PPP2R2B: variants seen among roughly 807,000 people sequenced by gnomAD.
The protein encoded by PPP2R2B is protein phosphatase 2 regulatory subunit Bbeta.
Under a neutral mutation model 46.0 loss-of-function variants are expected in PPP2R2B, and 5 were observed. That is an observed-to-expected ratio of 0.11 (90% confidence interval 0.06 to 0.23). The LOEUF (loss-of-function observed/expected upper bound fraction) is 0.23, where lower values mean the gene tolerates loss of function less well. Among genes scored for constraint, PPP2R2B ranks in the 10% least tolerant of loss-of-function variants. PPP2R2B has a pLI of 1.00. For synonymous variants in PPP2R2B, 215 were observed against 206.7 expected, an observed-to-expected ratio of 1.04 and a Z score of -0.34; for missense variants, 367 against 575.0, an observed-to-expected ratio of 0.64 and a Z score of 3.70.
intron 2 of PPP2R2B, among the ~76,000 whole-genome samples, chr5:146,770,534 T>G (rs1754787859): frequency 6.6e-6 from 1 of 152,178 alleles, no homozygotes; most frequent in Admixed American, 6.5e-5. Context: ...ATTAAAAATG[T>G]TAACAGAAAT....
chr5:147,051,802 G>A (rs931991877), intron 1 of PPP2R2B, among the ~76,000 whole-genome samples: 14 of 109,962 alleles, frequency 1.3e-4, no homozygotes, highest in Admixed American at 4.3e-4. Context: ...TCATTCTATC[G>A]CCCAGGCTGG....
At chr5:146,794,267 C>A (rs988701159) in intron 2 of PPP2R2B, among the ~76,000 whole-genome samples, 4 of 152,132 alleles carry the variant, frequency 2.6e-5, no homozygotes. Context: ...CCTACTTGAA[C>A]TGAAATTGAT....
chr5:146,767,748 CA>C (rs750929709), intron 2 of PPP2R2B, among the ~76,000 whole-genome samples: 10 of 152,136 alleles, frequency 6.6e-5, no homozygotes, highest in Non-Finnish European at 1.5e-4. Flanking sequence ...CATTATCACC[CA>C]AAGTCCATAG....
chr5:146,602,448 A>T (rs1771875510), intron 7 of PPP2R2B, among the ~76,000 whole-genome samples: 1 of 152,144 alleles, frequency 6.6e-6, no homozygotes, highest in Admixed American at 6.6e-5. Flanking sequence ...CTGACATTCA[A>T]TTATTTTTGA....
At chr5:146,672,132 G>A (rs1282293889) in intron 5 of PPP2R2B, among the ~76,000 whole-genome samples, 1 of 152,122 alleles carries the variant, frequency 6.6e-6, no homozygotes, top group Non-Finnish European at 1.5e-5. Flanking sequence ...AAAGACATAG[G>A]GAAGCAAAAT....
At chr5:147,065,704 A>T (rs1375597167) in intron 2 of PPP2R2B, among the ~76,000 whole-genome samples, 1 of 152,110 alleles carries the variant, frequency 6.6e-6, no homozygotes, top group Non-Finnish European at 1.5e-5. Flanking sequence ...ATGACATATG[A>T]CTTAGTGATA....
At chr5:146,910,800 G>A (rs1404108774) in intron 1 of PPP2R2B, among the ~76,000 whole-genome samples, 1 of 152,050 alleles carries the variant, frequency 6.6e-6, no homozygotes, top group Non-Finnish European at 1.5e-5. Flanking sequence ...AAAGAATATA[G>A]TATAAAATCA....
chr5:146,680,856 C>T lies in PPP2R2B; in HGVS notation c.447+10272G>A, dbSNP rs6883261. ...GAAAATTCCTTTCCTTGTTGCTAAA[C>T]CATTCTAAGGAAACCAGAGAATAAA... On this transcript the variant is annotated intron_variant, in intron 5 of 9. Transcript: ENST00000394411. Among the ~76,000 whole-genome samples, 650 of 152,274 alleles carry T rather than the reference C, an allele frequency of 4.3e-3. 6 individuals carry two copies. Among genetic ancestry groups the T allele is most frequent in the African/African-American group, 0.015 (629 of 41,548 alleles).
intron 2 of PPP2R2B, among the ~76,000 whole-genome samples, chr5:146,726,295 A>G (rs1751861820): frequency 6.6e-6 from 1 of 152,190 alleles, no homozygotes; most frequent in Non-Finnish European, 1.5e-5. Context: ...GGGAGTATTC[A>G]GCATCTATGC....
At chr5:146,926,401 T>C (rs1763783531) in intron 1 of PPP2R2B, among the ~76,000 whole-genome samples, 1 of 152,076 alleles carries the variant, frequency 6.6e-6, no homozygotes, top group Non-Finnish European at 1.5e-5. Context: ...TATTTACTTT[T>C]TTTTTGTTTT....
At chr5:146,788,545 A>G (rs1400040436) in intron 2 of PPP2R2B, among the ~76,000 whole-genome samples, 1 of 152,172 alleles carries the variant, frequency 6.6e-6, no homozygotes, top group Non-Finnish European at 1.5e-5. Context: ...AGCCCAGCCA[A>G]CAAGACGAAA....
chr5:146,957,381 G>A (rs1293085215), intron 1 of PPP2R2B, among the ~76,000 whole-genome samples: 2 of 152,160 alleles, frequency 1.3e-5, no homozygotes, highest in Non-Finnish European at 2.9e-5. Context: ...ACTGCCATCC[G>A]ATATGATAAA....
At chr5:146,787,809 C>A (rs1755938525) in intron 2 of PPP2R2B, among the ~76,000 whole-genome samples, 1 of 152,168 alleles carries the variant, frequency 6.6e-6, no homozygotes, top group Non-Finnish European at 1.5e-5. Flanking sequence ...CTCAGGTGAT[C>A]CACCCACCTC....
At chr5:146,601,367 C>A (rs777992176) in intron 7 of PPP2R2B, among the ~76,000 whole-genome samples, 3 of 151,960 alleles carry the variant, frequency 2.0e-5, no homozygotes, top group Admixed American at 6.6e-5. Flanking sequence ...GAGGCCTAGG[C>A]GGGAAGATCA....
intron 2 of PPP2R2B, among the ~76,000 whole-genome samples, chr5:146,760,706 A>G (rs1193284690): frequency 1.3e-5 from 2 of 152,146 alleles, no homozygotes; most frequent in East Asian, 1.9e-4. Flanking sequence ...TGAGGGATGC[A>G]TTGGAAATAC....
intron 2 of PPP2R2B, among the ~76,000 whole-genome samples, chr5:146,848,727 C>G (rs1760157226): frequency 2.0e-5 from 3 of 152,136 alleles, no homozygotes; most frequent in Non-Finnish European, 2.9e-5. Flanking sequence ...ACTCTGCACC[C>G]TTAGAAAGAA....
At chr5:146,966,661 A>G (rs994474584) in intron 1 of PPP2R2B, among the ~76,000 whole-genome samples, 3 of 152,174 alleles carry the variant, frequency 2.0e-5, no homozygotes, top group Non-Finnish European at 4.4e-5. Flanking sequence ...GTGTGGGGCC[A>G]TGTGAGCCTT....
Position 146,643,473 on chromosome 5 carries a change from A to G in PPP2R2B, c.626-5058T>C, listed in dbSNP as rs151301746. Among the ~76,000 whole-genome samples the G allele has an allele frequency of 1.4e-4, 22 of 152,332 alleles. 1 individual carries two copies. The East Asian group carries it at 1.5e-3, about 11-fold the overall frequency. On this transcript the variant is annotated intron_variant, in intron 6 of 9. Coordinates refer to ENST00000394411, the MANE Select transcript of PPP2R2B (RefSeq NM_181675.4). ...AAAGGGAGAGAGAAATTATGTCTCTATATGTCCTAGATTGAATAGAAGGAA... is the reference window on the plus strand; with the variant it reads ...AAAGGGAGAGAGAAATTATGTCTCTGTATGTCCTAGATTGAATAGAAGGAA...
chr5:146,779,117 A>T (rs961759171), intron 2 of PPP2R2B, among the ~76,000 whole-genome samples: 2 of 152,222 alleles, frequency 1.3e-5, no homozygotes, highest in Admixed American at 1.3e-4. Flanking sequence ...GCTGGAAATG[A>T]CATTTCAGCT....
Sources: gnomAD v4.1 joint callset for allele counts (sites outside exome capture counted in the v4.1 genomes callset) on GRCh38, gnomAD v4.1.1 for gene constraint, MANE v1.5 for transcripts, NCBI Gene and HGNC (gene_info 2026-07-23, HGNC 2026-07-21) for gene names.